The following HS2ST1 variants were observed in gnomAD, a reference collection of about 807,000 sequenced individuals.
HS2ST1 encodes the protein 2-O-sulfotransferase.
Under a neutral mutation model 42.9 loss-of-function variants are expected in HS2ST1, and 18 were observed. The ratio of observed to expected loss-of-function variants is 0.42; its 90% confidence interval spans 0.29 to 0.62. The LOEUF (loss-of-function observed/expected upper bound fraction) is 0.62. Ranked by LOEUF, HS2ST1 falls within the 20% of genes least tolerant of loss-of-function variation. The pLI is 0.21. For synonymous variants in HS2ST1, 146 were observed against 152.9 expected (o/e 0.95, Z 0.33); for missense variants, 334 against 433.8 (o/e 0.77, Z 2.04).
chr1:86,943,262 T>C (rs563598066), intron 1 of HS2ST1, among the ~76,000 whole-genome samples: 1 of 152,204 alleles, frequency 6.6e-6, no homozygotes, highest in Non-Finnish European at 1.5e-5. Context: ...TTTAAATGTC[T>C]GATACTGAGC....
chr1:86,998,377 TAATATGCTTGTCTCA>T (rs1452734966), intron 1 of HS2ST1, among the ~76,000 whole-genome samples: 2 of 152,234 alleles, frequency 1.3e-5, no homozygotes, highest in Admixed American at 6.5e-5. Flanking sequence ...TTTTTTAAAG[TAATATGCTTGTCTCA>T]AATATGCTTG....
chr1:87,099,820 T>C (rs1349762356), intron 5 of HS2ST1, among the ~76,000 whole-genome samples: 1 of 152,170 alleles, frequency 6.6e-6, no homozygotes, highest in East Asian at 1.9e-4. Flanking sequence ...TGGATAAACA[T>C]TTCCCTTCCA....
At chr1:87,027,618 T>C (rs1480714839) in intron 1 of HS2ST1, among the ~76,000 whole-genome samples, 4 of 151,922 alleles carry the variant, frequency 2.6e-5, no homozygotes, top group Admixed American at 2.0e-4. Context: ...CTGGTGGGAG[T>C]GAGTAGTTAC....
At chr1:86,937,100 G>A (rs939610215) in intron 1 of HS2ST1, among the ~76,000 whole-genome samples, 1 of 151,624 alleles carries the variant, frequency 6.6e-6, no homozygotes, top group African/African-American at 2.4e-5. Context: ...GCAAGACTCT[G>A]TCTCCAAAAA....
chr1:87,052,615 G>A (rs777333250), intron 1 of HS2ST1, among the ~76,000 whole-genome samples: 1 of 152,174 alleles, frequency 6.6e-6, no homozygotes, highest in Non-Finnish European at 1.5e-5. Context: ...ACTAGCCTTA[G>A]GAGACGTAGT....
rs560149924 is a variant in HS2ST1 at position 86,997,144 on chromosome 1, G to A, written c.125-75790G>A. Among the ~76,000 whole-genome samples, 181 of 152,294 alleles carry A rather than the reference G, an allele frequency of 1.2e-3. 1 individual carries two copies. Among genetic ancestry groups the A allele is most frequent in the African/African-American group, 4.1e-3 (170 of 41,548 alleles). On this transcript the variant is annotated intron_variant, in intron 1 of 6. Transcript: ENST00000370550. Reference sequence around the variant, plus strand: ...CCAGATGGAGATCAAGCAAAAAGAAGGAGTTTTACATGGCTAAGGAGCCCA... The same window carrying A: ...CCAGATGGAGATCAAGCAAAAAGAAAGAGTTTTACATGGCTAAGGAGCCCA...
At chr1:87,085,439 G>T (rs1417920453) in intron 3 of HS2ST1, among the ~76,000 whole-genome samples, 3 of 152,048 alleles carry the variant, frequency 2.0e-5, no homozygotes, top group Admixed American at 1.3e-4. Flanking sequence ...AATTAAAAAA[G>T]AATCACCCAA....
intron 1 of HS2ST1, among the ~76,000 whole-genome samples, chr1:87,024,696 T>C (rs1019017009): frequency 6.6e-6 from 1 of 152,184 alleles, no homozygotes; most frequent in Admixed American, 6.5e-5. Context: ...CCCTACTTCA[T>C]GTTATGTTAA....
intron 1 of HS2ST1, among the ~76,000 whole-genome samples, chr1:87,018,889 A>C (rs536904851): frequency 7.3e-4 from 110 of 151,624 alleles, no homozygotes; most frequent in African/African-American, 2.6e-3. Flanking sequence ...CCCTGTTCAA[A>C]CTCCTGTGTG....
chr1:87,037,837 T>A (rs527934277), intron 1 of HS2ST1, among the ~76,000 whole-genome samples: 1 of 152,104 alleles, frequency 6.6e-6, no homozygotes, highest in Non-Finnish European at 1.5e-5. Flanking sequence ...CAGACGTAGT[T>A]CATTCTTTTA....
intron 1 of HS2ST1, among the ~76,000 whole-genome samples, chr1:87,050,346 T>G (rs570173544): frequency 1.3e-5 from 2 of 152,166 alleles, no homozygotes; most frequent in Non-Finnish European, 2.9e-5. Context: ...ATTCCTAAAA[T>G]TTCTATTTTC....
intron 1 of HS2ST1, among the ~76,000 whole-genome samples, chr1:86,933,449 G>A (rs180680852): frequency 6.8e-4 from 104 of 152,226 alleles, no homozygotes; most frequent in African/African-American, 2.3e-3. Context: ...TGTTGAATCC[G>A]TCAAAGCATT....
intron 2 of HS2ST1, among the ~76,000 whole-genome samples, chr1:87,076,637 A>C (rs1349733916): frequency 6.6e-6 from 1 of 152,170 alleles, no homozygotes; most frequent in East Asian, 1.9e-4. Flanking sequence ...CATTTTTGCG[A>C]TGGGCTTTAC....
chr1:87,014,935 A>G (rs1327454896), intron 1 of HS2ST1, among the ~76,000 whole-genome samples: 1 of 152,262 alleles, frequency 6.6e-6, no homozygotes, highest in Non-Finnish European at 1.5e-5. Context: ...TATTCTCATG[A>G]AAATGCTCTT....
At chr1:86,944,246 A>C (rs781592408) in intron 1 of HS2ST1, among the ~76,000 whole-genome samples, 1 of 152,210 alleles carries the variant, frequency 6.6e-6, no homozygotes, top group Non-Finnish European at 1.5e-5. Flanking sequence ...CTGAGGGTAT[A>C]ACTTTTGAGG....
At chr1:86,972,344 C>G (rs946347628) in intron 1 of HS2ST1, among the ~76,000 whole-genome samples, 1 of 151,944 alleles carries the variant, frequency 6.6e-6, no homozygotes, top group Non-Finnish European at 1.5e-5. Flanking sequence ...TTATTATAAT[C>G]TATTTAATAA....
chr1:86,981,521 AAATGTTCCCAT>A (rs1648590637), intron 1 of HS2ST1, among the ~76,000 whole-genome samples: 1 of 152,234 alleles, frequency 6.6e-6, no homozygotes, highest in South Asian at 2.1e-4. Flanking sequence ...GGCATTGGGT[AAATGTTCCCAT>A]TGCAACTTGG....
chr1:86,915,030 G>A lies in HS2ST1; in HGVS notation c.-7G>A. 6.2e-7 allele frequency: 1 copy of A among 1,614,102 alleles called. No individual in the cohort carries two copies. Among genetic ancestry groups the A allele is most frequent in the Non-Finnish European group, 8.5e-7 (1 of 1,180,006 alleles). ...GCGGTATGTCTTGATCCCGAGCAGC[G>A]GGTTTCATGGGGCTCCTCAGGATTA... On this transcript the variant is annotated 5_prime_UTR_variant, in exon 1 of 7. Coordinates refer to ENST00000370550, the MANE Select transcript of HS2ST1 (RefSeq NM_012262.4).
intron 1 of HS2ST1, among the ~76,000 whole-genome samples, chr1:87,043,701 T>G (rs528567566): frequency 1.3e-5 from 2 of 152,210 alleles, no homozygotes; most frequent in Admixed American, 1.3e-4. Flanking sequence ...TGTATATGTC[T>G]TATGTGCATT....
Sources: allele counts gnomAD v4.1 joint callset (sites outside exome capture counted in the v4.1 genomes callset), GRCh38; gene constraint gnomAD v4.1.1; transcripts MANE v1.5; gene names NCBI Gene and HGNC (gene_info 2026-07-23, HGNC 2026-07-21).